Variants in KAT2A observed in about 807,000 individuals in gnomAD.
KAT2A encodes lysine acetyltransferase 2A.
A neutral mutation model predicts 95.2 loss-of-function variants in KAT2A; 42 were observed. The observed-to-expected ratio is 0.44, with a 90% CI of 0.34 to 0.57. KAT2A has a LOEUF of 0.57. Among genes scored for constraint, KAT2A ranks in the 20% least tolerant of loss-of-function variants. The probability of loss-of-function intolerance (pLI) is 0.01; values close to 1 mark genes in which losing one functional copy is unlikely to be tolerated. For synonymous variants in KAT2A, 449 were observed against 448.2 expected, an observed-to-expected ratio of 1.00 and a Z score of -0.02; for missense variants, 784 against 1,126.3, an observed-to-expected ratio of 0.70 and a Z score of 4.35.
intron 11 of KAT2A, 120 bp downstream of exon 11, chr17:42,116,915 G>T: frequency 8.1e-7 from 1 of 1,229,046 alleles, no homozygotes; most frequent in Non-Finnish European, 1.1e-6. Flanking sequence ...TGTGAGGAAC[G>T]GGCCGCTAAC....
At position 42,113,518 on chromosome 17, in the gene KAT2A, C is replaced by A; in HGVS notation, c.*131G>T. 1 of 777,902 alleles carries A rather than the reference C, an allele frequency of 1.3e-6. No homozygotes were observed. The highest frequency in any genetic ancestry group is 1.8e-5 in the South Asian group (1 of 55,274). 48.2% of individuals were successfully genotyped at this position (777,902 alleles called of 1,614,324 possible). On this transcript the variant is annotated 3_prime_UTR_variant, in exon 18 of 18. Transcript: ENST00000225916. The stretch of plus-strand genomic sequence containing the variant: ...GAAGGTCCAGAAAGAGCTGCAGGAT[C>A]GGGTCCGGAGGACCCTTGGCTGGAG...
chr17:42,117,831 C>G lies in KAT2A; in HGVS notation c.1292-17G>C. On this transcript the variant is annotated splice_polypyrimidine_tract_variant and intron_variant, in intron 8 of 17. Coordinates refer to ENST00000225916, the MANE Select transcript of KAT2A (RefSeq NM_021078.3). This position sits in a 1 kb window ranked among gnomAD's most constrained non-coding sequence, Gnocchi z 8.9. Reference sequence around the variant, plus strand: ...TCTTCTCGCCTATTGGGGAGGCAGGCAAGGTTGCTCAGGATCAGTAAAAAA... The same window carrying G: ...TCTTCTCGCCTATTGGGGAGGCAGGGAAGGTTGCTCAGGATCAGTAAAAAA... 6.2e-7 allele frequency: 1 copy of G among 1,612,348 alleles called. No homozygotes were observed. The highest frequency in any genetic ancestry group is 8.5e-7 in the Non-Finnish European group (1 of 1,178,846).
In KAT2A at chr17:42,114,545, G is replaced by C; in HGVS notation, c.2079C>G (p.Leu693=). ...GCCTCACGCCCTCCTTGAAGCAGCTGAGCCCCGGGTAGACCTTGCGGATCT... is the reference window on the plus strand; with the variant it reads ...GCCTCACGCCCTCCTTGAAGCAGCTCAGCCCCGGGTAGACCTTGCGGATCT... The part of the protein sequence containing the change: ...QAQIRKVYPG[L]SCFKEGVRQI... Residue 693 remains leucine (L), a synonymous_variant, in exon 14 of 18, where the codon CTC becomes CTG. Coordinates refer to ENST00000225916, the MANE Select transcript of KAT2A (RefSeq NM_021078.3). The surrounding 1 kb of genome is among the most constrained non-coding windows in gnomAD (Gnocchi z 6.0). The C allele has an allele frequency of 1.2e-6, 2 of 1,614,060 alleles. No individual in the cohort carries two copies. The highest frequency in any genetic ancestry group is 1.7e-6 in the Non-Finnish European group (2 of 1,179,984).
At chr17:42,118,527 G>A (rs1191378929) in intron 6 of KAT2A, 124 bp from the exon 7 acceptor site, 2 of 680,454 alleles carry the variant, frequency 2.9e-6, no homozygotes, top group African/African-American at 1.8e-5. Context: ...GGACCTGAGA[G>A]AGGGGACAGC....
rs1555665876 is a variant in KAT2A at position 42,115,825 on chromosome 17, C to T, written c.1773G>A (p.Gly591=). 3.7e-6 allele frequency: 6 copies of T among 1,605,520 alleles called. No individual in the cohort carries two copies. Among genetic ancestry groups the T allele is most frequent in the African/African-American group, 2.7e-5 (2 of 74,814 alleles). ...VTSNEQVKGY[G]THLMNHLKEY... ...CCTTCAGGTGGTTCATCAGGTGGGT[C>T]CCATAACCCTGCGGGGGAGGGAAGC... is the stretch of plus-strand genomic sequence containing the variant. Residue 591 remains glycine, a synonymous_variant, in exon 12 of 18, where the codon GGG becomes GGA. Transcript: ENST00000225916.
At chr17:42,115,541 G>A (rs533315594) in intron 12 of KAT2A, among the ~76,000 whole-genome samples, 182 bp downstream of exon 12, 31 of 151,656 alleles carry the variant, frequency 2.0e-4, no homozygotes, top group South Asian at 6.3e-4. Flanking sequence ...TGGCCCCACA[G>A]GCCCTCATTC....
Position 42,120,357 on chromosome 17 carries a change from G to C in KAT2A, c.477C>G (p.Ser159=), listed in dbSNP as rs782200702. ...CATCCTCTGACACATTCTCCAAGTG[G>C]GATACGTGGTCAGCTGCAAGACAGA... ...SCEHPLADHV[S]HLENVSEDEI... Residue 159 remains serine, a synonymous_variant, in exon 3 of 18, where the codon TCC becomes TCG. Transcript: ENST00000225916. 3.1e-6 allele frequency: 5 copies of C among 1,614,192 alleles called. No homozygotes were observed. The highest frequency in any genetic ancestry group is 4.2e-6 in the Non-Finnish European group (5 of 1,180,036).
intron 7 of KAT2A, 114 bp from the exon 8 acceptor site, chr17:42,118,131 A>T: frequency 1.3e-6 from 1 of 772,016 alleles, no homozygotes; most frequent in Non-Finnish European, 2.1e-6. Context: ...GGGGGTGCTG[A>T]AGCTGAGGAG....
rs782317499 is a variant in KAT2A at position 42,114,640 on chromosome 17, C to T, written c.2020-36G>A. ...GAAGGGACTGAGGGGCCAACTCCAG[C>T]CCCAACAACAACCCCTCCCAGGGCC... On this transcript the variant is annotated intron_variant, in intron 13 of 17. Transcript: ENST00000225916. This position sits in a 1 kb window ranked among gnomAD's most constrained non-coding sequence, Gnocchi z 6.0. 6.4e-7 allele frequency: 1 copy of T among 1,568,018 alleles called. No homozygotes were observed.
In KAT2A at chr17:42,121,285, G is replaced by C; in HGVS notation, c.20C>G (p.Ala7Gly). Residue 7 changes from alanine (A) to glycine (G), a missense_variant, in exon 1 of 18, where the codon GCC becomes GGC. By Grantham distance (60) the Ala-to-Gly change is moderately conservative. Around this residue, in one of 6 missense-constraint regions of KAT2A, gnomAD observed 142 missense variants for 123.2 expected, o/e 1.15. Transcript: ENST00000225916. Reference protein sequence around the residue: MAEPSQAPTPAPAAQPR... With the variant: MAEPSQGPTPAPAAQPR... ...CTGCGCAGCCGGGGCCGGGGTCGGG[G>C]CCTGGGAAGGTTCCGCCATGGCCTC... is the stretch of plus-strand genomic sequence containing the variant. 7.3e-7 allele frequency: 1 copy of C among 1,375,634 alleles called. No individual in the cohort carries two copies. The highest frequency in any genetic ancestry group is 1.5e-5 in the African/African-American group (1 of 65,150). 85.2% of individuals were successfully genotyped at this position (1,375,634 alleles called of 1,614,324 possible).
In KAT2A at chr17:42,115,771, G is replaced by A. The variant is rs1425857423; in HGVS notation, c.1827C>T (p.Tyr609=). 7 of 1,613,888 alleles carry A rather than the reference G, an allele frequency of 4.3e-6. No homozygotes were observed. Among genetic ancestry groups the A allele is most frequent in the Admixed American group, 3.3e-5 (2 of 60,010 alleles). Reference sequence around the variant, plus strand: ...CGTACTCGTCGGCGTAGGTGAGGAAGTAGAGAATGTTGTGCTTGATGTGAT... The same window carrying A: ...CGTACTCGTCGGCGTAGGTGAGGAAATAGAGAATGTTGTGCTTGATGTGAT... ...KEYHIKHNIL[Y]FLTYADEYAI... Residue 609 remains tyrosine (Y), a synonymous_variant, in exon 12 of 18, where the codon TAC becomes TAT. Coordinates refer to ENST00000225916, the MANE Select transcript of KAT2A (RefSeq NM_021078.3).
chr17:42,118,072 G>A (rs549853541), intron 7 of KAT2A, 55 bp from the exon 8 acceptor site: 2 of 1,139,194 alleles, frequency 1.8e-6, no homozygotes, highest in Non-Finnish European at 2.5e-6. Flanking sequence ...GAGAGAGAGA[G>A]AGAAGTCAGG....
In KAT2A at chr17:42,119,357, G is replaced by A; in HGVS notation, c.961C>T (p.Leu321Phe). The A allele has an allele frequency of 6.2e-7, 1 of 1,614,138 alleles. No homozygotes were observed. Among genetic ancestry groups the A allele is most frequent in the Non-Finnish European group, 8.5e-7 (1 of 1,180,000 alleles). ...GTAACGGTGAAAATGGACCGGAGAA[G>A]GCTTCGCCCAAAGACATGAGTGGTT... ...YETTHVFGRS[L>F]LRSIFTVTRR... Residue 321 changes from leucine to phenylalanine, a missense_variant, in exon 6 of 18, where the codon CTT becomes TTT. Leu to Phe is a conservative substitution (Grantham distance 22). Transcript: ENST00000225916. This position sits in a 1 kb window ranked among gnomAD's most constrained non-coding sequence, Gnocchi z 5.3.
Position 42,119,033 on chromosome 17 carries a change from G to C in KAT2A, c.1073+212C>G. ...TGGGGCGTAGGGTCGGGTGGGGGCA[G>C]CGTTAGCTTGGGCTATGTACCTGCC... On this transcript the variant is annotated intron_variant, in intron 6 of 17. Transcript: ENST00000225916. This position sits in a 1 kb window ranked among gnomAD's most constrained non-coding sequence, Gnocchi z 5.3. The C allele has an allele frequency of 7.2e-7, 1 of 1,389,642 alleles. No homozygotes were observed. Among genetic ancestry groups the C allele is most frequent in the South Asian group, 1.8e-5 (1 of 56,612 alleles). 86.1% of individuals were successfully genotyped at this position (1,389,642 alleles called of 1,614,324 possible). A position where few individuals can be genotyped will look rare whatever the true frequency, so the allele number is the denominator to read the frequency against.
Position 42,117,666 on chromosome 17 carries a change from CG to C in KAT2A, c.1428+11del. Reference sequence around the variant, plus strand: ...GGGGTCCCCCAACTGGTCAGCAGGTCGGGCTGCCCACCTCAGGCCCCAGCAT... The same window carrying C: ...GGGGTCCCCCAACTGGTCAGCAGGTCGGCTGCCCACCTCAGGCCCCAGCAT... On this transcript the variant is annotated intron_variant, in intron 9 of 17. Transcript: ENST00000225916. This position sits in a 1 kb window ranked among gnomAD's most constrained non-coding sequence, Gnocchi z 8.9. The C allele has an allele frequency of 1.2e-6, 2 of 1,606,346 alleles. No homozygotes were observed. Among genetic ancestry groups the C allele is most frequent in the Non-Finnish European group, 1.7e-6 (2 of 1,175,172 alleles).
intron 7 of KAT2A, 44 bp from the exon 8 acceptor site, chr17:42,118,061 GGA>G (rs782029955): frequency 1.4e-4 from 183 of 1,340,758 alleles, no homozygotes; most frequent in Middle Eastern, 1.9e-4. Context: ...CTGAAGCTGA[GGA>G]GAGAGAGAGA....
At position 42,120,711 on chromosome 17, in the gene KAT2A, G is replaced by A. The variant is rs782241423; in HGVS notation, c.458C>T (p.Pro153Leu). Residue 153 changes from proline (P) to leucine (L), a missense_variant, in exon 2 of 18, where the codon CCC becomes CTC. By Grantham distance (98) the Pro-to-Leu change is moderately conservative (BLOSUM62 -3). Around this residue, in one of 6 missense-constraint regions of KAT2A, gnomAD observed 208 missense variants for 339.7 expected, o/e 0.61. Coordinates refer to ENST00000225916, the MANE Select transcript of KAT2A (RefSeq NM_021078.3). ...AAGGGCGCTGCCTGCCTTACCCAAGGGGTGCTCACAACTGCGGCACAGCTC... is the reference window on the plus strand; with the variant it reads ...AAGGGCGCTGCCTGCCTTACCCAAGAGGTGCTCACAACTGCGGCACAGCTC... ...LSELCRSCEH[P>L]LADHVSHLEN... The A allele has an allele frequency of 9.2e-5, 148 of 1,613,896 alleles. 1 individual carries two copies. The Admixed American group carries it at 2.3e-3, about 25-fold the overall frequency.
In KAT2A at chr17:42,113,845, G is replaced by A; in HGVS notation, c.2321-3C>T. The A allele has an allele frequency of 1.3e-6, 2 of 1,574,792 alleles. No homozygotes were observed. Among genetic ancestry groups the A allele is most frequent in the Non-Finnish European group, 1.7e-6 (2 of 1,162,932 alleles). On this transcript the variant is annotated splice_region_variant and splice_polypyrimidine_tract_variant and intron_variant, in intron 17 of 17. Transcript: ENST00000225916. ...CCGCTCAGTCATGGTCTTCAGGTCT[G>A]GGGCAGCAGGAGACGGAGCACAGCT...
chr17:42,117,792 C>T lies in KAT2A; in HGVS notation c.1314G>A (p.Glu438=). 2.5e-6 allele frequency: 4 copies of T among 1,614,008 alleles called. No homozygotes were observed. The highest frequency in any genetic ancestry group is 3.4e-6 in the Non-Finnish European group (4 of 1,179,898). The change falls in exon 9 of 18, where the codon GAG becomes GAA. Residue 438 remains glutamate (E), a synonymous_variant. Transcript: ENST00000225916. This position sits in a 1 kb window ranked among gnomAD's most constrained non-coding sequence, Gnocchi z 8.9. ...PMPGEKRTLP[E]NLTLEDAKRL... The stretch of plus-strand genomic sequence containing the variant: ...GCTTGGCATCCTCCAGGGTCAGGTT[C>T]TCTGGGAGCGTCCTCTTCTCGCCTA...
Sources: allele counts gnomAD v4.1 joint callset (sites outside exome capture counted in the v4.1 genomes callset), GRCh38; gene constraint gnomAD v4.1.1; regional missense constraint gnomAD v4.1.1; non-coding constraint Gnocchi (gnomAD v3.1); transcripts MANE v1.5; gene names NCBI Gene and HGNC (gene_info 2026-07-23, HGNC 2026-07-21).